VSTM2B: variants seen among roughly 807,000 people sequenced by gnomAD.
VSTM2B encodes the protein V-set and transmembrane domain containing 2B, also known as V-set and transmembrane domain-containing protein 2B.
VSTM2B carries 24 observed loss-of-function variants against 24.0 expected under a neutral mutation model. That is an observed-to-expected ratio of 1.00 (90% CI 0.72 to 1.40). The LOEUF is 1.40. Ranked by LOEUF, VSTM2B falls within the 40% of genes most tolerant of loss-of-function variation. The pLI, the probability that VSTM2B is intolerant of heterozygous loss-of-function variation, is 0.00. For synonymous variants in VSTM2B, 226 were observed against 194.4 expected (o/e 1.16, Z -1.35); for missense variants, 399 against 416.4 (o/e 0.96, Z 0.36).
chr19:29,529,129 T>C, intron 3 of VSTM2B: 1 of 985,374 alleles, frequency 1.0e-6, no homozygotes, highest in Non-Finnish European at 1.2e-6. Flanking sequence ...TTGAGAGCCG[T>C]AGAGCAGTAC....
intron 4 of VSTM2B, among the ~76,000 whole-genome samples, chr19:29,531,455 G>A (rs1057460669): frequency 2.6e-5 from 4 of 152,192 alleles, no homozygotes; most frequent in Admixed American, 6.5e-5. Context: ...AATCCGCTGG[G>A]GCAGGTCTTC....
intron 3 of VSTM2B, among the ~76,000 whole-genome samples, chr19:29,529,599 G>A (rs1485624283): frequency 1.3e-5 from 2 of 152,204 alleles, no homozygotes; most frequent in African/African-American, 2.4e-5. Context: ...GGGGACGTGG[G>A]GACACAGTCC....
chr19:29,527,214 C>T lies in VSTM2B; in HGVS notation c.86C>T (p.Ala29Val), dbSNP rs989504247. The change falls in exon 2 of 5, where the codon GCA (alanine) becomes GTA (valine). Residue 29 changes from alanine to valine, a missense_variant. Physicochemically the swap from Ala to Val is moderately conservative, Grantham distance 64. Transcript: ENST00000335523. ...CTCTCTCTCTCCCCACCCCCAGCTG[C>T]ATTCACAGAAGTCCCCAAAGATGTG... ...HALLLFVADA[A>V]FTEVPKDVTV... 5 of 1,547,954 alleles carry T rather than the reference C, an allele frequency of 3.2e-6. No individual in the cohort carries two copies. The African/African-American group carries it at 6.9e-5, about 21-fold the overall frequency.
At chr19:29,534,081 G>C (rs926779764) in intron 4 of VSTM2B, among the ~76,000 whole-genome samples, 5 of 152,234 alleles carry the variant, frequency 3.3e-5, no homozygotes, top group African/African-American at 1.2e-4. Context: ...GGGATGGAAA[G>C]AGCGTATGTA....
At position 29,528,458 on chromosome 19, in the gene VSTM2B, TCAGCG is replaced by T; in HGVS notation, c.294_297+1del. 1 of 1,551,032 alleles carries T rather than the reference TCAGCG, an allele frequency of 6.4e-7. No individual in the cohort carries two copies. Among genetic ancestry groups the T allele is most frequent in the South Asian group, 1.2e-5 (1 of 84,062 alleles). ...GTAACAAATAAGGATGCAACTAAAATCAGCGTAAGTGTGGAGCCCAGCGCGGGCCG... is the reference window on the plus strand; with the variant it reads ...GTAACAAATAAGGATGCAACTAAAATTAAGTGTGGAGCCCAGCGCGGGCCG... On this transcript the variant is annotated splice_donor_variant and coding_sequence_variant, in exon 3 of 5. Coordinates refer to ENST00000335523, the MANE Select transcript of VSTM2B (RefSeq NM_001146339.2). LOFTEE classifies it high-confidence loss of function.
chr19:29,533,340 A>T (rs1270205390), intron 4 of VSTM2B, among the ~76,000 whole-genome samples: 1 of 152,130 alleles, frequency 6.6e-6, no homozygotes, highest in African/African-American at 2.4e-5. Context: ...TGACAGCAGC[A>T]CCCCTGGGAT....
At chr19:29,563,283 C>T (rs139214458) in intron 4 of VSTM2B, among the ~76,000 whole-genome samples, 2,048 of 150,542 alleles carry the variant, frequency 0.014, 47 homozygotes, top group East Asian at 0.1. Context: ...GACAGAGTCT[C>T]ACTCTGTCTC....
chr19:29,528,554 G>GC (rs2145458226), intron 3 of VSTM2B, 92 bp downstream of exon 3: 1 of 1,461,020 alleles, frequency 6.8e-7, no homozygotes, highest in South Asian at 1.2e-5. Context: ...CGGCGGCCGC[G>GC]CATGTGGGGC....
intron 4 of VSTM2B, among the ~76,000 whole-genome samples, chr19:29,538,544 T>C (rs1443739732): frequency 6.6e-6 from 1 of 152,214 alleles, no homozygotes; most frequent in Non-Finnish European, 1.5e-5. Context: ...TGTGATTGTA[T>C]TCATCCATTT....
intron 4 of VSTM2B, among the ~76,000 whole-genome samples, chr19:29,541,364 G>T (rs780493773): frequency 7.9e-5 from 12 of 152,204 alleles, no homozygotes; most frequent in Non-Finnish European, 1.3e-4. Context: ...TGGATGGGTT[G>T]ATGGATGTCT....
At chr19:29,536,036 A>C (rs1969880200) in intron 4 of VSTM2B, among the ~76,000 whole-genome samples, 1 of 152,200 alleles carries the variant, frequency 6.6e-6, no homozygotes, top group Admixed American at 6.5e-5. Flanking sequence ...TCATAAAGGA[A>C]ATGGCTGAGC....
intron 2 of VSTM2B, 78 bp from the exon 3 acceptor site, chr19:29,528,355 T>C (rs1457340657): frequency 9.1e-6 from 14 of 1,544,136 alleles, no homozygotes; most frequent in Non-Finnish European, 1.2e-5. Context: ...GAGGGTGCCC[T>C]TGCCTAAAGG....
chr19:29,563,871 C>A lies in VSTM2B; in HGVS notation c.795C>A (p.Asp265Glu). The A allele has an allele frequency of 6.4e-7, 1 of 1,552,310 alleles. No homozygotes were observed. Among genetic ancestry groups the A allele is most frequent in the Non-Finnish European group, 8.7e-7 (1 of 1,147,128 alleles). Residue 265 changes from aspartate to glutamate, a missense_variant, in exon 5 of 5, where the codon GAC (aspartate) becomes GAA (glutamate). Coordinates refer to ENST00000335523, the MANE Select transcript of VSTM2B (RefSeq NM_001146339.2). ...GSGTGRSYTTDPLLSLLLLAL... is the reference protein window; with the variant it reads ...GSGTGRSYTTEPLLSLLLLAL... ...GCACCGGCCGTAGCTACACCACAGACCCACTCTTGTCCCTGCTCCTGTTAG... is the reference window on the plus strand; with the variant it reads ...GCACCGGCCGTAGCTACACCACAGAACCACTCTTGTCCCTGCTCCTGTTAG...
Position 29,527,332 on chromosome 19 carries a change from C to G in VSTM2B, c.204C>G (p.Leu68=). The G allele has an allele frequency of 1.3e-6, 2 of 1,549,240 alleles. No homozygotes were observed. The highest frequency in any genetic ancestry group is 1.7e-4 in the Middle Eastern group (1 of 5,984). Residue 68 remains leucine, a synonymous_variant, in exon 2 of 5, where the codon CTC becomes CTG. Coordinates refer to ENST00000335523, the MANE Select transcript of VSTM2B (RefSeq NM_001146339.2). The stretch of plus-strand genomic sequence containing the variant: ...CGCTGGAGATTCAGTGGTGGTACCT[C>G]AAGGAGCCACCCCGGGAGCTGCTGC... ...SYSLEIQWWY[L]KEPPRELLHE... is the part of the protein sequence containing the mutation.
intron 4 of VSTM2B, among the ~76,000 whole-genome samples, chr19:29,560,738 A>C (rs962700830): frequency 6.6e-6 from 1 of 152,206 alleles, no homozygotes; most frequent in African/African-American, 2.4e-5. Flanking sequence ...AAACCTTTTA[A>C]ACATGAGTAG....
chr19:29,548,884 C>T (rs1407687399), intron 4 of VSTM2B, among the ~76,000 whole-genome samples: 3 of 152,212 alleles, frequency 2.0e-5, no homozygotes. Context: ...CACAAAGGGC[C>T]AGGTTGGCTG....
chr19:29,532,484 T>G (rs754439174), intron 4 of VSTM2B, among the ~76,000 whole-genome samples: 3 of 152,152 alleles, frequency 2.0e-5, no homozygotes, highest in Non-Finnish European at 4.4e-5. Context: ...AACATCCTTC[T>G]TCCCCCTCCC....
intron 2 of VSTM2B, among the ~76,000 whole-genome samples, chr19:29,527,798 G>A (rs917799058): frequency 3.9e-5 from 6 of 152,114 alleles, no homozygotes; most frequent in Admixed American, 2.0e-4. Flanking sequence ...CGTTCCAGAG[G>A]CCACCAGAAA....
intron 4 of VSTM2B, among the ~76,000 whole-genome samples, chr19:29,555,173 T>C (rs932552833): frequency 6.6e-6 from 1 of 152,162 alleles, no homozygotes; most frequent in Non-Finnish European, 1.5e-5. Flanking sequence ...AAAACACTCC[T>C]CAGCAAATGC....
Sources: allele counts gnomAD v4.1 joint callset (sites outside exome capture counted in the v4.1 genomes callset), GRCh38; gene constraint gnomAD v4.1.1; transcripts MANE v1.5; gene names NCBI Gene and HGNC (gene_info 2026-07-23, HGNC 2026-07-21).